Variants in SLC35F4 observed in about 807,000 individuals in gnomAD.
SLC35F4 encodes the protein solute carrier family 35 member F4.
A neutral mutation model predicts 44.2 loss-of-function variants in SLC35F4; 24 were observed. The ratio of observed to expected loss-of-function variants is 0.54; its 90% confidence interval spans 0.39 to 0.76. The LOEUF (loss-of-function observed/expected upper bound fraction) is 0.76, where lower values mean the gene tolerates loss of function less well. Ranked by LOEUF, SLC35F4 falls within the 30% of genes least tolerant of loss-of-function variation. The pLI is 0.00. For missense variants in SLC35F4, 562 were observed against 586.1 expected (o/e 0.96, Z 0.42); for synonymous variants, 238 against 223.6 (o/e 1.06, Z -0.57).
At chr14:57,768,781 C>A (rs546794167) in intron 1 of SLC35F4, among the ~76,000 whole-genome samples, 116 of 151,778 alleles carry the variant, frequency 7.6e-4, no homozygotes, top group Middle Eastern at 3.4e-3. Context: ...GAGACGAAGT[C>A]TTGCTCGGTC....
chr14:57,628,747 T>A (rs2072608090), intron 1 of SLC35F4, among the ~76,000 whole-genome samples: 1 of 152,138 alleles, frequency 6.6e-6, no homozygotes, highest in Admixed American at 6.6e-5. Context: ...TTAAACACAA[T>A]AATAAGAGTT....
chr14:57,733,328 A>G (rs1442274138), intron 1 of SLC35F4, among the ~76,000 whole-genome samples: 1 of 150,764 alleles, frequency 6.6e-6, no homozygotes, highest in East Asian at 2.0e-4. Flanking sequence ...TTTTAAAGAT[A>G]CATGTCTGCT....
At chr14:57,633,731 C>T (rs940835987) in intron 1 of SLC35F4, among the ~76,000 whole-genome samples, 4 of 152,070 alleles carry the variant, frequency 2.6e-5, no homozygotes, top group Non-Finnish European at 5.9e-5. Flanking sequence ...GTCTATTCTC[C>T]ATCACTATAT....
At chr14:57,799,359 G>A (rs907092938) in intron 1 of SLC35F4, 1 of 152,076 alleles carries the variant, frequency 6.6e-6, no homozygotes, top group Admixed American at 6.6e-5. Context: ...AGAGCTGTGT[G>A]GAGTCTCGGC....
At chr14:57,641,048 C>T (rs2140160171) in intron 1 of SLC35F4, among the ~76,000 whole-genome samples, 1 of 151,884 alleles carries the variant, frequency 6.6e-6, no homozygotes, top group East Asian at 1.9e-4. Context: ...AAAGCATTAC[C>T]ACACGAAAGT....
intron 1 of SLC35F4, among the ~76,000 whole-genome samples, chr14:57,707,085 A>T (rs2075695447): frequency 6.6e-6 from 1 of 152,182 alleles, no homozygotes. Flanking sequence ...AGGTATTGGG[A>T]AAAAGAATCA....
intron 1 of SLC35F4, among the ~76,000 whole-genome samples, chr14:57,933,117 G>T (rs1231583576): frequency 6.6e-6 from 1 of 150,472 alleles, no homozygotes; most frequent in East Asian, 2.0e-4. Context: ...TGCCTCCCAG[G>T]TTCAACAAAT....
At chr14:57,854,882 C>A (rs534032193) in intron 1 of SLC35F4, among the ~76,000 whole-genome samples, 17 of 152,202 alleles carry the variant, frequency 1.1e-4, no homozygotes, top group African/African-American at 4.1e-4. Flanking sequence ...AAAGTAACAA[C>A]CAAAAATAAA....
intron 1 of SLC35F4, among the ~76,000 whole-genome samples, chr14:57,655,205 T>TA (rs553755163): frequency 5.3e-5 from 8 of 151,630 alleles, no homozygotes; most frequent in South Asian, 4.2e-4. Flanking sequence ...TTCCTTTTTT[T>TA]AAAAAAAATA....
chr14:57,878,105 C>T (rs1342990981), intron 1 of SLC35F4, among the ~76,000 whole-genome samples: 1 of 152,056 alleles, frequency 6.6e-6, no homozygotes, highest in Non-Finnish European at 1.5e-5. Flanking sequence ...TTGTTGGCTG[C>T]ATGTATGTCT....
chr14:57,679,312 T>C (rs572217746), intron 1 of SLC35F4, among the ~76,000 whole-genome samples: 1 of 152,096 alleles, frequency 6.6e-6, no homozygotes, highest in Non-Finnish European at 1.5e-5. Context: ...AATAAATAAG[T>C]TCTTTGAAAC....
intron 1 of SLC35F4, among the ~76,000 whole-genome samples, chr14:57,858,460 C>T (rs775334416): frequency 4.3e-4 from 66 of 151,764 alleles, no homozygotes; most frequent in Non-Finnish European, 7.4e-4. Context: ...TGTTCTCACT[C>T]GTAGGTGGGA....
At chr14:57,912,371 AT>A (rs36080803) in intron 1 of SLC35F4, among the ~76,000 whole-genome samples, 6,288 of 151,900 alleles carry the variant, frequency 0.041, 364 homozygotes, top group African/African-American at 0.13. Flanking sequence ...ATTTTTATTA[AT>A]TTTTAATATA....
intron 1 of SLC35F4, among the ~76,000 whole-genome samples, chr14:57,706,615 C>T (rs185852687): frequency 2.6e-5 from 4 of 152,192 alleles, no homozygotes; most frequent in Non-Finnish European, 5.9e-5. Context: ...TCAAAGAAGG[C>T]TCTGTGAGGA....
intron 1 of SLC35F4, among the ~76,000 whole-genome samples, chr14:57,606,769 T>C (rs985907870): frequency 6.6e-6 from 1 of 152,210 alleles, no homozygotes; most frequent in Non-Finnish European, 1.5e-5. Flanking sequence ...GAATCTTCTC[T>C]TCCAAATGGC....
Position 57,678,590 on chromosome 14 carries a change from T to C in SLC35F4, c.104-84466A>G, listed in dbSNP as rs141821952. The stretch of plus-strand genomic sequence containing the variant: ...ACAGACCCACAAATTGGATGAAGAG[T>C]CAACACCCACTACTGTGCTGTATTC... On this transcript the variant is annotated intron_variant, in intron 1 of 7. Coordinates refer to ENST00000556826, the MANE Select transcript of SLC35F4 (RefSeq NM_001306087.2). Among the ~76,000 whole-genome samples the C allele has an allele frequency of 2.0e-3, 301 of 151,126 alleles. 1 individual carries two copies. The highest frequency in any genetic ancestry group is 6.4e-3 in the African/African-American group (264 of 41,016).
At chr14:57,786,844 C>T (rs1055910464) in intron 1 of SLC35F4, among the ~76,000 whole-genome samples, 2 of 152,138 alleles carry the variant, frequency 1.3e-5, no homozygotes. Flanking sequence ...GGTAATATGA[C>T]AAAACATGGC....
chr14:57,929,724 T>C (rs778655213), intron 1 of SLC35F4, among the ~76,000 whole-genome samples: 1 of 152,180 alleles, frequency 6.6e-6, no homozygotes, highest in Non-Finnish European at 1.5e-5. Flanking sequence ...TATTATCTTC[T>C]TTCTCCAGAA....
At chr14:57,664,868 A>G (rs943228832) in intron 1 of SLC35F4, among the ~76,000 whole-genome samples, 1 of 152,136 alleles carries the variant, frequency 6.6e-6, no homozygotes, top group Non-Finnish European at 1.5e-5. Context: ...CAAATCTACT[A>G]AGCCACAGTG....
Sources: allele counts gnomAD v4.1 joint callset (sites outside exome capture counted in the v4.1 genomes callset), GRCh38; gene constraint gnomAD v4.1.1; transcripts MANE v1.5; gene names NCBI Gene and HGNC (gene_info 2026-07-23, HGNC 2026-07-21).